The following B3GALT1 variants were observed in gnomAD, a reference collection of about 807,000 sequenced individuals.
The protein encoded by B3GALT1 is UDP-Gal:betaGlcNAc beta 1,3-galactosyltransferase, polypeptide 1.
B3GALT1 carries 10 observed loss-of-function variants against 23.2 expected under a neutral mutation model. The observed-to-expected ratio is 0.43, with a 90% CI of 0.27 to 0.73. The LOEUF is 0.73. Ranked by LOEUF, B3GALT1 falls within the 30% of genes least tolerant of loss-of-function variation. The pLI is 0.21. For missense variants in B3GALT1, 299 were observed against 405.4 expected (o/e 0.74, Z 2.25); for synonymous variants, 156 against 141.5 (o/e 1.10, Z -0.73).
intron 2 of B3GALT1, among the ~76,000 whole-genome samples, chr2:167,615,334 G>A (rs1685141681): frequency 6.6e-6 from 1 of 151,958 alleles, no homozygotes; most frequent in Non-Finnish European, 1.5e-5. Context: ...GAAAAAATCG[G>A]ATTCATAGAA....
chr2:167,687,585 A>T (rs943444593), intron 3 of B3GALT1, among the ~76,000 whole-genome samples: 23 of 152,182 alleles, frequency 1.5e-4, no homozygotes, highest in African/African-American at 2.4e-5. Context: ...CATGATCTAA[A>T]TTCTAAATAC....
intron 1 of B3GALT1, among the ~76,000 whole-genome samples, chr2:167,355,134 C>T (rs992117333): frequency 6.6e-6 from 1 of 152,204 alleles, no homozygotes. Flanking sequence ...CTGTTGCTAC[C>T]TATAAAGTGG....
chr2:167,538,145 C>T (rs373721664), intron 2 of B3GALT1, among the ~76,000 whole-genome samples: 14 of 152,052 alleles, frequency 9.2e-5, no homozygotes, highest in African/African-American at 3.4e-4. Flanking sequence ...TCTAAAGTCA[C>T]CTGTTCCCCC....
chr2:167,418,095 A>G (rs1055523657), intron 1 of B3GALT1, among the ~76,000 whole-genome samples: 1 of 151,900 alleles, frequency 6.6e-6, no homozygotes, highest in African/African-American at 2.4e-5. Flanking sequence ...TTTGTTTTGG[A>G]CCTCTACTTC....
At chr2:167,349,442 A>G (rs1226228078) in intron 1 of B3GALT1, among the ~76,000 whole-genome samples, 1 of 152,188 alleles carries the variant, frequency 6.6e-6, no homozygotes, top group Non-Finnish European at 1.5e-5. Flanking sequence ...CGGATATGCC[A>G]AAAGAGGCCG....
In B3GALT1 at chr2:167,739,935, C is replaced by CA. The variant is rs201348475; in HGVS notation, c.-351-78734dup. ...GTAAGAAGTTGTCTCTACAAAAAAACAAACAAAAAAAAAAAAATCTAGGCG... is the reference window on the plus strand; with the variant it reads ...GTAAGAAGTTGTCTCTACAAAAAAACAAAACAAAAAAAAAAAAATCTAGGCG... On this transcript the variant is annotated intron_variant, in intron 3 of 4. Transcript: ENST00000392690. Among the ~76,000 whole-genome samples, 600 of 68,204 alleles carry CA rather than the reference C, an allele frequency of 8.8e-3. 9 individuals are homozygous for CA. The highest frequency in any genetic ancestry group is 0.022 in the South Asian group (50 of 2,244). The allele number at this position is 68,204 out of a possible 152,430, so 44.7% of individuals were successfully genotyped here.
chr2:167,759,092 A>G (rs1468889355), intron 3 of B3GALT1, among the ~76,000 whole-genome samples: 1 of 152,206 alleles, frequency 6.6e-6, no homozygotes. Flanking sequence ...ACCAGAATAC[A>G]TTTCCAAATG....
At chr2:167,789,721 C>A (rs890902792) in intron 3 of B3GALT1, among the ~76,000 whole-genome samples, 37 of 152,188 alleles carry the variant, frequency 2.4e-4, no homozygotes, top group South Asian at 1.7e-3. Context: ...TATTGTAGAT[C>A]CCTCCAGAGT....
intron 3 of B3GALT1, among the ~76,000 whole-genome samples, chr2:167,742,576 CAGCAGAAAGATGACTACGT>C (rs1482218179): frequency 9.9e-5 from 15 of 152,272 alleles, no homozygotes; most frequent in African/African-American, 2.6e-4. Context: ...TGTTCTATCA[CAGCAGAAAGATGACTACGT>C]AGCAGAAAGA....
At chr2:167,579,614 T>C (rs1684448559) in intron 2 of B3GALT1, among the ~76,000 whole-genome samples, 1 of 152,004 alleles carries the variant, frequency 6.6e-6, no homozygotes, top group South Asian at 2.1e-4. Context: ...GGAAACATTG[T>C]ACACAGGCTA....
intron 3 of B3GALT1, among the ~76,000 whole-genome samples, chr2:167,731,688 G>A (rs900962528): frequency 1.3e-5 from 2 of 151,930 alleles, no homozygotes; most frequent in African/African-American, 4.8e-5. Flanking sequence ...AGGTTTTACT[G>A]CAGGCATCTC....
intron 3 of B3GALT1, among the ~76,000 whole-genome samples, chr2:167,753,211 A>G (rs1203149666): frequency 2.0e-5 from 3 of 152,202 alleles, no homozygotes; most frequent in Non-Finnish European, 2.9e-5. Context: ...AACATAGGAA[A>G]ATTAAAACTA....
intron 1 of B3GALT1, among the ~76,000 whole-genome samples, chr2:167,429,645 T>G (rs960490337): frequency 1.3e-5 from 2 of 152,306 alleles, no homozygotes; most frequent in South Asian, 4.1e-4. Flanking sequence ...TGTTGTAATT[T>G]AAAAAGCAAA....
rs946289937 is a variant in B3GALT1, at chr2:167,549,956, G to A, written c.-410+59679G>A. ...CTATACCAGACCTACCTTGCAATAG[G>A]ATATTCTCCATAATATTTTTTAAGG... On this transcript the variant is annotated intron_variant, in intron 2 of 4. Coordinates refer to ENST00000392690, the MANE Select transcript of B3GALT1 (RefSeq NM_020981.4). 2.0e-5 allele frequency among the ~76,000 whole-genome samples: 3 copies of A among 152,036 alleles called. No homozygotes were observed. The East Asian group carries it at 5.8e-4, about 29-fold the overall frequency.
At chr2:167,409,322 C>G (rs760555387) in intron 1 of B3GALT1, among the ~76,000 whole-genome samples, 2 of 152,114 alleles carry the variant, frequency 1.3e-5, no homozygotes, top group Non-Finnish European at 2.9e-5. Context: ...GGAAGTTCTC[C>G]TGGATAATGT....
intron 3 of B3GALT1, among the ~76,000 whole-genome samples, chr2:167,696,326 C>G (rs1232142070): frequency 2.0e-5 from 3 of 147,596 alleles, no homozygotes; most frequent in Non-Finnish European, 4.5e-5. Context: ...AAATACCTAC[C>G]TGTCAAAGCT....
chr2:167,341,667 C>CA (rs374935464), intron 1 of B3GALT1, among the ~76,000 whole-genome samples: 149 of 150,380 alleles, frequency 9.9e-4, no homozygotes, highest in African/African-American at 2.5e-3. Flanking sequence ...ATCTCAAAAA[C>CA]AAAAAAAAAG....
chr2:167,671,662 C>G (rs952672309), intron 3 of B3GALT1, among the ~76,000 whole-genome samples: 4 of 151,500 alleles, frequency 2.6e-5, no homozygotes, highest in African/African-American at 9.7e-5. Context: ...GGAAAGTTCA[C>G]AGTGATAAAC....
intron 4 of B3GALT1, among the ~76,000 whole-genome samples, chr2:167,834,614 C>T (rs1328455663): frequency 6.6e-6 from 1 of 152,210 alleles, no homozygotes; most frequent in East Asian, 1.9e-4. Context: ...TTTGGGAGGC[C>T]GAGGCAGGTG....
Sources: allele counts gnomAD v4.1 joint callset (sites outside exome capture counted in the v4.1 genomes callset), GRCh38; gene constraint gnomAD v4.1.1; transcripts MANE v1.5; gene names NCBI Gene and HGNC (gene_info 2026-07-23, HGNC 2026-07-21).